Variants in HDAC9 observed in about 807,000 individuals in gnomAD.
The protein encoded by HDAC9 is MEF-2 interacting transcription repressor (MITR) protein.
Under a neutral mutation model 139.4 loss-of-function variants are expected in HDAC9, and 41 were observed. The ratio of observed to expected loss-of-function variants is 0.29; its 90% CI spans 0.23 to 0.38. The LOEUF (loss-of-function observed/expected upper bound fraction) is 0.38. Ranked by LOEUF, HDAC9 falls within the 10% of genes least tolerant of loss-of-function variation. The probability of loss-of-function intolerance (pLI) is 1.00; values close to 1 mark genes in which losing one functional copy is unlikely to be tolerated. For synonymous variants in HDAC9, 517 were observed against 476.2 expected (o/e 1.09, Z -1.12); for missense variants, 1,147 against 1,297.0 (o/e 0.88, Z 1.78).
At chr7:18,917,299 C>T (rs1160562756) in intron 22 of HDAC9, among the ~76,000 whole-genome samples, 1 of 151,524 alleles carries the variant, frequency 6.6e-6, no homozygotes, top group East Asian at 1.9e-4. Flanking sequence ...CCCTCTGGAC[C>T]TCTGGATATG....
At chr7:18,141,914 A>G (rs1434880752) in intron 1 of HDAC9, among the ~76,000 whole-genome samples, 2 of 152,194 alleles carry the variant, frequency 1.3e-5, no homozygotes, top group Non-Finnish European at 2.9e-5. Context: ...AGCAGAGTTT[A>G]CAATAAAGGA....
chr7:18,770,207 A>C (rs1790169887), intron 16 of HDAC9, among the ~76,000 whole-genome samples: 1 of 152,144 alleles, frequency 6.6e-6, no homozygotes, highest in African/African-American at 2.4e-5. Context: ...TTCGAGCAAC[A>C]ATGTCAAGGT....
intron 2 of HDAC9, among the ~76,000 whole-genome samples, chr7:18,282,121 T>C (rs949472103): frequency 6.6e-6 from 1 of 152,190 alleles, no homozygotes; most frequent in Non-Finnish European, 1.5e-5. Flanking sequence ...AGAATCATCA[T>C]AATATCCTTC....
At chr7:18,281,570 G>T (rs1797108913) in intron 2 of HDAC9, among the ~76,000 whole-genome samples, 1 of 152,198 alleles carries the variant, frequency 6.6e-6, no homozygotes, top group South Asian at 2.1e-4. Flanking sequence ...CAGCGTAGAA[G>T]AGGAATTCTT....
chr7:18,208,883 T>C (rs778575849), intron 2 of HDAC9, among the ~76,000 whole-genome samples: 29 of 152,196 alleles, frequency 1.9e-4, no homozygotes, highest in Non-Finnish European at 2.6e-4. Context: ...GAAATAATAA[T>C]TGAGTCAGGA....
chr7:18,823,657 C>T (rs1229697086), intron 17 of HDAC9, among the ~76,000 whole-genome samples: 1 of 152,018 alleles, frequency 6.6e-6, no homozygotes, highest in African/African-American at 2.4e-5. Context: ...GTCTTAAGGT[C>T]CCCAGTGAGA....
At chr7:18,217,966 G>T (rs1201060826) in intron 2 of HDAC9, among the ~76,000 whole-genome samples, 2 of 152,248 alleles carry the variant, frequency 1.3e-5, no homozygotes, top group East Asian at 3.9e-4. Flanking sequence ...GCTTGAATGG[G>T]GCTGGAGGAC....
intron 24 of HDAC9, among the ~76,000 whole-genome samples, chr7:18,974,173 T>C (rs1329036980): frequency 2.0e-5 from 3 of 152,222 alleles, no homozygotes; most frequent in Admixed American, 1.3e-4. Context: ...GGATATCCCA[T>C]GACCTCACTC....
chr7:18,371,311 T>G (rs1325119754), intron 1 of HDAC9, among the ~76,000 whole-genome samples: 3 of 152,206 alleles, frequency 2.0e-5, no homozygotes, highest in African/African-American at 7.2e-5. Flanking sequence ...GTAGAAAGTA[T>G]GTAGCACCTT....
intron 1 of HDAC9, among the ~76,000 whole-genome samples, chr7:18,318,860 C>T (rs1047981209): frequency 5.3e-5 from 8 of 152,126 alleles, no homozygotes; most frequent in South Asian, 2.1e-4. Flanking sequence ...AAAAACATAA[C>T]GACTAGTATA....
intron 12 of HDAC9, among the ~76,000 whole-genome samples, chr7:18,705,805 A>G (rs1297723250): frequency 6.9e-6 from 1 of 145,858 alleles, no homozygotes; most frequent in African/African-American, 2.6e-5. Context: ...GTGAGCCGAG[A>G]TGGCACCATT....
chr7:18,467,966 G>A (rs1794420880), intron 1 of HDAC9, among the ~76,000 whole-genome samples: 1 of 152,074 alleles, frequency 6.6e-6, no homozygotes, highest in Non-Finnish European at 1.5e-5. Context: ...AATTCCATCT[G>A]TTGGGTTATA....
At chr7:18,598,066 A>G (rs1310755179) in intron 6 of HDAC9, among the ~76,000 whole-genome samples, 2 of 152,184 alleles carry the variant, frequency 1.3e-5, no homozygotes, top group South Asian at 4.1e-4. Flanking sequence ...TAGTACCTTG[A>G]TGACCTATTC....
chr7:18,645,494 C>A (rs1031560573), intron 9 of HDAC9, among the ~76,000 whole-genome samples: 1 of 152,102 alleles, frequency 6.6e-6, no homozygotes, highest in Non-Finnish European at 1.5e-5. Context: ...GACTCTTTGC[C>A]TTAAAATTTC....
chr7:18,169,759 C>T (rs901528786), intron 2 of HDAC9, among the ~76,000 whole-genome samples: 2 of 152,098 alleles, frequency 1.3e-5, no homozygotes, highest in East Asian at 3.9e-4. Flanking sequence ...TGGTTTCCAG[C>T]TGTATCCATA....
intron 2 of HDAC9, among the ~76,000 whole-genome samples, chr7:18,182,404 C>T (rs1038208187): frequency 6.6e-6 from 1 of 152,008 alleles, no homozygotes; most frequent in Non-Finnish European, 1.5e-5. Context: ...TAAAGTGTTT[C>T]AAAAGAAGAA....
chr7:18,211,691 A>G lies in HDAC9; in HGVS notation c.25+49342A>G, dbSNP rs538779066. ...GACTTTTGTGGTTATGTATGCAGCA[A>G]ACACTTTTGAGTGCTGGTCATTTCC... On this transcript the variant is annotated intron_variant, in intron 2 of 12. Transcript: ENST00000417496. Among the ~76,000 whole-genome samples the G allele has an allele frequency of 2.4e-4, 37 of 152,276 alleles. No individual in the cohort carries two copies. The South Asian group carries it at 7.3e-3, about 30-fold the overall frequency.
intron 12 of HDAC9, among the ~76,000 whole-genome samples, chr7:18,697,243 A>C (rs905003497): frequency 1.4e-4 from 21 of 152,190 alleles, no homozygotes; most frequent in Non-Finnish European, 2.6e-4. Flanking sequence ...GACGAGGCCC[A>C]GCCTATGGGA....
At chr7:18,146,002 A>T (rs1786292680) in intron 1 of HDAC9, among the ~76,000 whole-genome samples, 1 of 152,186 alleles carries the variant, frequency 6.6e-6, no homozygotes, top group African/African-American at 2.4e-5. Context: ...CAAATATATA[A>T]GACTGTTGAT....
Sources: allele counts gnomAD v4.1 joint callset (sites outside exome capture counted in the v4.1 genomes callset), GRCh38; gene constraint gnomAD v4.1.1; transcripts MANE v1.5; gene names NCBI Gene and HGNC (gene_info 2026-07-23, HGNC 2026-07-21).